The following NALF1 variants were observed in gnomAD, a reference collection of about 807,000 sequenced individuals.
The protein encoded by NALF1 is family with sequence similarity 155 member A.
A neutral mutation model predicts 48.4 loss-of-function variants in NALF1; 3 were observed. That is an observed-to-expected ratio of 0.06 (90% CI 0.03 to 0.16). NALF1 has a LOEUF of 0.16. Among genes scored for constraint, NALF1 ranks in the 10% least tolerant of loss-of-function variants. The pLI is 1.00. For synonymous variants in NALF1, 262 were observed against 245.7 expected (o/e 1.07, Z -0.62); for missense variants, 526 against 571.5 (o/e 0.92, Z 0.81).
intron 1 of NALF1, among the ~76,000 whole-genome samples, chr13:107,749,892 T>C (rs1195856372): frequency 6.6e-6 from 1 of 152,038 alleles, no homozygotes; most frequent in Non-Finnish European, 1.5e-5. Flanking sequence ...AGATCTTGGC[T>C]CACTGCAACC....
chr13:107,793,443 T>C (rs773614495), intron 1 of NALF1, among the ~76,000 whole-genome samples: 4 of 152,198 alleles, frequency 2.6e-5, no homozygotes, highest in Non-Finnish European at 4.4e-5. Context: ...ATTTATCAAA[T>C]ATAATGATTC....
intron 1 of NALF1, among the ~76,000 whole-genome samples, chr13:107,270,799 T>C (rs1881147592): frequency 6.6e-6 from 1 of 151,380 alleles, no homozygotes; most frequent in Non-Finnish European, 1.5e-5. Context: ...TATCTCCTAA[T>C]GCTATCCCTC....
chr13:107,507,594 TAAAAAAAAAAAAAA>T (rs548709767), intron 1 of NALF1, among the ~76,000 whole-genome samples: 3 of 86,420 alleles, frequency 3.5e-5, no homozygotes, highest in Admixed American at 1.5e-4. Context: ...TATTCTCCAT[TAAAAAAAAAAAAAA>T]AAAAAAAAAA....
intron 1 of NALF1, among the ~76,000 whole-genome samples, chr13:107,706,700 T>C (rs1875376547): frequency 1.3e-5 from 2 of 152,216 alleles, no homozygotes. Flanking sequence ...TAAAGTAGGC[T>C]GTACTAGAAT....
chr13:107,773,755 C>T (rs1046307735), intron 1 of NALF1, among the ~76,000 whole-genome samples: 106 of 146,800 alleles, frequency 7.2e-4, no homozygotes, highest in Non-Finnish European at 1.3e-3. Context: ...GGAGGGATAG[C>T]ATTAGGAGAT....
chr13:107,720,963 T>C (rs960095276), intron 1 of NALF1, among the ~76,000 whole-genome samples: 5 of 152,134 alleles, frequency 3.3e-5, no homozygotes, highest in South Asian at 2.1e-4. Context: ...AAAAACATTA[T>C]TGCTAAATCC....
intron 1 of NALF1, among the ~76,000 whole-genome samples, chr13:107,231,039 C>A (rs1375468985): frequency 1.9e-5 from 2 of 105,836 alleles, no homozygotes; most frequent in East Asian, 3.0e-4. Context: ...CCAGCCTGAG[C>A]AACAGAGCAA....
intron 1 of NALF1, among the ~76,000 whole-genome samples, chr13:107,569,396 C>CA (rs1877915459): frequency 6.6e-6 from 1 of 151,692 alleles, no homozygotes; most frequent in South Asian, 2.1e-4. Flanking sequence ...GACGTGAACC[C>CA]GGGGGGCGGA....
At position 107,866,137 on chromosome 13, in the gene NALF1, T is replaced by C; in HGVS notation, c.460A>G (p.Lys154Glu). The change falls in exon 1 of 3, where the codon AAG (lysine) becomes GAG (glutamate). Residue 154 changes from lysine (K) to glutamate (E), a missense_variant. Physicochemically the swap from Lys to Glu is moderately conservative, Grantham distance 56 (BLOSUM62 1). Around this residue, in one of 2 missense-constraint regions of NALF1, gnomAD observed 373 missense variants for 355.5 expected, o/e 1.05. Coordinates refer to ENST00000375915, the MANE Select transcript of NALF1 (RefSeq NM_001080396.3). The surrounding 1 kb of genome is among the most constrained non-coding windows in gnomAD (Gnocchi z 4.4). ...GCAGAGTTTCCTAGAAAAAGAGCCT[T>C]GCCCCGGTCGTCTTTGCCTCGGTTG... ...KGNRGKDDRG[K>E]ALFLGNSAKP... The C allele has an allele frequency of 6.2e-7, 1 of 1,611,718 alleles. No individual in the cohort carries two copies. Among genetic ancestry groups the C allele is most frequent in the Non-Finnish European group, 8.5e-7 (1 of 1,179,468 alleles).
chr13:107,500,060 T>C (rs1335549809), intron 1 of NALF1, among the ~76,000 whole-genome samples: 2 of 152,146 alleles, frequency 1.3e-5, no homozygotes, highest in African/African-American at 4.8e-5. Context: ...ATGTATAAGA[T>C]TAGAAGTTTA....
intron 1 of NALF1, among the ~76,000 whole-genome samples, chr13:107,667,963 G>T (rs1467434974): frequency 6.6e-6 from 1 of 151,974 alleles, no homozygotes; most frequent in Non-Finnish European, 1.5e-5. Context: ...ACATATATCT[G>T]CATACCCAAT....
At chr13:107,729,511 C>CT (rs1444663641) in intron 1 of NALF1, among the ~76,000 whole-genome samples, 1 of 151,714 alleles carries the variant, frequency 6.6e-6, no homozygotes, top group Non-Finnish European at 1.5e-5. Flanking sequence ...GTGTCTTGCT[C>CT]TGTCACCCAG....
At chr13:107,572,312 T>C (rs1878010674) in intron 1 of NALF1, among the ~76,000 whole-genome samples, 1 of 152,054 alleles carries the variant, frequency 6.6e-6, no homozygotes, top group Non-Finnish European at 1.5e-5. Flanking sequence ...GCAGAGAAAG[T>C]TTGTCTCCAT....
chr13:107,377,982 C>T (rs902875103), intron 1 of NALF1, among the ~76,000 whole-genome samples: 1 of 152,048 alleles, frequency 6.6e-6, no homozygotes, highest in Admixed American at 6.5e-5. Context: ...CCTCCCAGTT[C>T]TCTCCCTTTG....
intron 1 of NALF1, among the ~76,000 whole-genome samples, chr13:107,612,046 AGGGAGAGAGGGGAGTGGGG>A (rs1477631085): frequency 1.2e-4 from 11 of 88,812 alleles, no homozygotes; most frequent in South Asian, 9.8e-4. Context: ...GCAGAGAAGG[AGGGAGAGAGGGGAGTGGGG>A]GGGAGAGAGG....
intron 1 of NALF1, among the ~76,000 whole-genome samples, chr13:107,380,802 C>A (rs934380888): frequency 6.6e-6 from 1 of 151,554 alleles, no homozygotes; most frequent in Non-Finnish European, 1.5e-5. Context: ...CACGGTGAGA[C>A]CCCGTCTCTA....
At chr13:107,642,892 T>C (rs1018421714) in intron 1 of NALF1, among the ~76,000 whole-genome samples, 4 of 152,194 alleles carry the variant, frequency 2.6e-5, no homozygotes, top group African/African-American at 9.7e-5. Flanking sequence ...GCTCTTAAAT[T>C]GGCTGTTTCA....
chr13:107,183,360 T>C (rs938150373), intron 2 of NALF1, among the ~76,000 whole-genome samples: 2 of 152,166 alleles, frequency 1.3e-5, no homozygotes, highest in Non-Finnish European at 2.9e-5. Flanking sequence ...CTAGAGAGGA[T>C]GTGGGGAAAT....
intron 1 of NALF1, among the ~76,000 whole-genome samples, chr13:107,485,285 T>C (rs954696428): frequency 1.3e-5 from 2 of 152,128 alleles, no homozygotes; most frequent in African/African-American, 4.8e-5. Flanking sequence ...ACTTTAATGA[T>C]TGCTAATTAG....
Sources: allele counts gnomAD v4.1 joint callset (sites outside exome capture counted in the v4.1 genomes callset), GRCh38; gene constraint gnomAD v4.1.1; regional missense constraint gnomAD v4.1.1; non-coding constraint Gnocchi (gnomAD v3.1); transcripts MANE v1.5; gene names NCBI Gene and HGNC (gene_info 2026-07-23, HGNC 2026-07-21).